The following TMEM132D variants were observed in gnomAD, a reference collection of about 807,000 sequenced individuals.
The protein encoded by TMEM132D is mature OL transmembrane protein.
TMEM132D carries 21 observed loss-of-function variants against 62.3 expected under a neutral mutation model. The observed-to-expected ratio is 0.34, with a 90% CI of 0.24 to 0.49. TMEM132D has a LOEUF of 0.49. Among genes scored for constraint, TMEM132D ranks in the 20% least tolerant of loss-of-function variants. The pLI is 0.99. For synonymous variants in TMEM132D, 621 were observed against 575.6 expected, an observed-to-expected ratio of 1.08 and a Z score of -1.13; for missense variants, 1,346 against 1,402.8, an observed-to-expected ratio of 0.96 and a Z score of 0.65.
chr12:129,863,913 G>C (rs1873978254), intron 1 of TMEM132D, among the ~76,000 whole-genome samples: 1 of 152,160 alleles, frequency 6.6e-6, no homozygotes, highest in Non-Finnish European at 1.5e-5. Context: ...GCAATGATAA[G>C]TTTAGGGATA....
chr12:129,310,325 G>A (rs1881942983), intron 4 of TMEM132D, among the ~76,000 whole-genome samples: 1 of 152,226 alleles, frequency 6.6e-6, no homozygotes. Flanking sequence ...TTCAGGAACA[G>A]GGGATAGAGA....
intron 3 of TMEM132D, among the ~76,000 whole-genome samples, chr12:129,432,010 T>C (rs1488529435): frequency 6.6e-6 from 1 of 152,238 alleles, no homozygotes; most frequent in Non-Finnish European, 1.5e-5. Context: ...CCCCTATCAC[T>C]TGATACAACA....
At chr12:129,284,098 C>T (rs919997689) in intron 4 of TMEM132D, among the ~76,000 whole-genome samples, 1 of 152,262 alleles carries the variant, frequency 6.6e-6, no homozygotes, top group African/African-American at 2.4e-5. Flanking sequence ...CAGCCAGCAG[C>T]TGGATGTGCA....
intron 1 of TMEM132D, among the ~76,000 whole-genome samples, chr12:129,768,587 T>C (rs1241986897): frequency 6.6e-6 from 1 of 152,140 alleles, no homozygotes; most frequent in East Asian, 1.9e-4. Flanking sequence ...CTCTTTCTTC[T>C]GCCTGGAACG....
chr12:129,220,372 T>G (rs558094421), intron 4 of TMEM132D, among the ~76,000 whole-genome samples: 1 of 152,292 alleles, frequency 6.6e-6, no homozygotes, highest in South Asian at 2.1e-4. Context: ...CTCACACAGG[T>G]GCATCCAGTT....
Position 129,139,987 on chromosome 12 carries a change from A to G in TMEM132D, c.1444-55285T>C, listed in dbSNP as rs146500110. Among the ~76,000 whole-genome samples the G allele has an allele frequency of 6.5e-3, 985 of 152,028 alleles. 9 individuals carry two copies. The highest frequency in any genetic ancestry group is 0.023 in the African/African-American group (950 of 41,460). On this transcript the variant is annotated intron_variant, in intron 5 of 8. Coordinates refer to ENST00000422113, the MANE Select transcript of TMEM132D (RefSeq NM_133448.3). ...CTCCTCGGCCTCCCAAAGTGTTGGGATTACAGGCATAAACCACCACTTCCA... is the reference window on the plus strand; with the variant it reads ...CTCCTCGGCCTCCCAAAGTGTTGGGGTTACAGGCATAAACCACCACTTCCA...
chr12:129,433,721 G>C (rs570232702), intron 3 of TMEM132D, among the ~76,000 whole-genome samples: 1 of 152,138 alleles, frequency 6.6e-6, no homozygotes, highest in Non-Finnish European at 1.5e-5. Flanking sequence ...CAAGAGCAAG[G>C]CCAGAGCGTG....
chr12:129,608,401 G>T (rs1878683463), intron 2 of TMEM132D, among the ~76,000 whole-genome samples: 1 of 152,142 alleles, frequency 6.6e-6, no homozygotes, highest in South Asian at 2.1e-4. Flanking sequence ...GCCTAACTAT[G>T]TAGATGATGA....
chr12:129,274,618 G>C (rs1880953023), intron 4 of TMEM132D, among the ~76,000 whole-genome samples: 1 of 152,208 alleles, frequency 6.6e-6, no homozygotes, highest in Non-Finnish European at 1.5e-5. Context: ...CGGGTGCAGT[G>C]GTTCACGCCT....
chr12:129,317,649 C>T (rs1298389497), intron 4 of TMEM132D, among the ~76,000 whole-genome samples: 5 of 152,050 alleles, frequency 3.3e-5, no homozygotes, highest in African/African-American at 1.2e-4. Context: ...CATGAATTTC[C>T]CAGGTGTTTT....
intron 1 of TMEM132D, among the ~76,000 whole-genome samples, chr12:129,896,055 C>T (rs931886573): frequency 6.6e-6 from 1 of 151,554 alleles, no homozygotes; most frequent in East Asian, 1.9e-4. Flanking sequence ...CTGCAACCTC[C>T]ACCATCCAGG....
intron 3 of TMEM132D, among the ~76,000 whole-genome samples, chr12:129,375,191 T>C (rs1870749285): frequency 2.6e-5 from 4 of 152,236 alleles, no homozygotes; most frequent in Admixed American, 2.6e-4. Flanking sequence ...GCAAGGGAGA[T>C]GATAAATCAA....
At chr12:129,654,297 AGTGTGTGT>A (rs10607475) in intron 2 of TMEM132D, among the ~76,000 whole-genome samples, 3 of 148,360 alleles carry the variant, frequency 2.0e-5, no homozygotes, top group Non-Finnish European at 4.5e-5. Flanking sequence ...TGTGTGTGTG[AGTGTGTGT>A]GTGTGTGTGT....
chr12:129,127,961 G>C (rs1308496210), intron 5 of TMEM132D, among the ~76,000 whole-genome samples: 3 of 152,190 alleles, frequency 2.0e-5, no homozygotes, highest in African/African-American at 7.2e-5. Flanking sequence ...ATGGGTGCCT[G>C]GGGGAAGCTG....
intron 1 of TMEM132D, among the ~76,000 whole-genome samples, chr12:129,808,333 C>T (rs531549945): frequency 6.6e-6 from 1 of 152,198 alleles, no homozygotes; most frequent in Admixed American, 6.5e-5. Flanking sequence ...TCATAACTCA[C>T]ATATTAAAAG....
chr12:129,741,213 T>C (rs986500779), intron 1 of TMEM132D, among the ~76,000 whole-genome samples: 20 of 152,200 alleles, frequency 1.3e-4, no homozygotes, highest in Non-Finnish European at 2.4e-4. Context: ...ATCTCTTCTC[T>C]TAATGGCCAT....
intron 4 of TMEM132D, among the ~76,000 whole-genome samples, chr12:129,289,428 C>T (rs930465201): frequency 6.6e-6 from 1 of 151,384 alleles, no homozygotes; most frequent in Non-Finnish European, 1.5e-5. Context: ...CCTGTAATCC[C>T]AGCTACACAG....
In TMEM132D at chr12:129,700,115, C is replaced by A. The variant is rs770112781; in HGVS notation, c.663G>T (p.Gly221=). ...GRRKSVDQPE[G]TPVELYYTVH... is the part of the protein sequence containing the mutation. ...CGGTGTAGTAGAGCTCCACGGGGGTCCCCTCCGGCTGGTCCACGGACTTCC... is the reference window on the plus strand; with the variant it reads ...CGGTGTAGTAGAGCTCCACGGGGGTACCCTCCGGCTGGTCCACGGACTTCC... The change falls in exon 2 of 9, where the codon GGG becomes GGT. Residue 221 remains glycine, a synonymous_variant. Transcript: ENST00000422113. The A allele has an allele frequency of 2.8e-5, 45 of 1,613,280 alleles. No individual in the cohort carries two copies. Among genetic ancestry groups the A allele is most frequent in the Non-Finnish European group, 3.6e-5 (42 of 1,180,024 alleles).
At chr12:129,190,598 G>A (rs1878367251) in intron 5 of TMEM132D, among the ~76,000 whole-genome samples, 1 of 150,904 alleles carries the variant, frequency 6.6e-6, no homozygotes, top group Non-Finnish European at 1.5e-5. Context: ...TCTGGGGCCT[G>A]TAGATGGAGG....
Sources: allele counts gnomAD v4.1 joint callset (sites outside exome capture counted in the v4.1 genomes callset), GRCh38; gene constraint gnomAD v4.1.1; transcripts MANE v1.5; gene names NCBI Gene and HGNC (gene_info 2026-07-23, HGNC 2026-07-21).